The following OAS3 variants were observed in gnomAD, a reference collection of about 807,000 sequenced individuals.
OAS3 encodes the protein 2'-5'-oligoadenylate synthase 3.
A neutral mutation model predicts 113.0 loss-of-function variants in OAS3; 107 were observed. That is an observed-to-expected ratio of 0.95 (90% CI 0.81 to 1.11). OAS3 has a LOEUF of 1.11. Ranked by LOEUF, OAS3 falls within the 50% of genes most tolerant of loss-of-function variation. OAS3 has a pLI of 0.00. For synonymous variants in OAS3, 552 were observed against 573.6 expected (o/e 0.96, Z 0.54); for missense variants, 1,258 against 1,389.1 (o/e 0.91, Z 1.50).
chr12:112,944,214 T>C (rs1210370231), intron 2 of OAS3, among the ~76,000 whole-genome samples: 1 of 152,178 alleles, frequency 6.6e-6, no homozygotes, highest in African/African-American at 2.4e-5. Context: ...CTGCTCCTCT[T>C]TGAGCTGTTG....
intron 11 of OAS3, among the ~76,000 whole-genome samples, chr12:112,964,991 G>T (rs2043921581): frequency 6.6e-6 from 1 of 152,194 alleles, no homozygotes; most frequent in South Asian, 2.1e-4. Flanking sequence ...TAGTCCTCAT[G>T]GGCTGAGTGT....
chr12:112,963,546 T>C lies in OAS3; in HGVS notation c.2229+89T>C. ...ACCTGCCGGTGCACCCATCCCCAGC[T>C]GCTAGGAGTGTTGGTGGCTGACAAC... On this transcript the variant is annotated intron_variant, in intron 10 of 15. Coordinates refer to ENST00000228928, the MANE Select transcript of OAS3 (RefSeq NM_006187.4). This position sits in a 1 kb window ranked among gnomAD's most constrained non-coding sequence, Gnocchi z 4.6. The C allele has an allele frequency of 7.7e-7, 1 of 1,302,272 alleles. No individual in the cohort carries two copies. 80.7% of individuals were successfully genotyped at this position (1,302,272 alleles called of 1,614,324 possible).
At chr12:112,956,359 T>C (rs1447037268) in intron 7 of OAS3, among the ~76,000 whole-genome samples, 1 of 152,254 alleles carries the variant, frequency 6.6e-6, no homozygotes, top group Non-Finnish European at 1.5e-5. Flanking sequence ...TGATCTTAGT[T>C]ATTTCCTGCC....
At position 112,949,143 on chromosome 12, in the gene OAS3, A is replaced by G; in HGVS notation, c.1312A>G (p.Ile438Val). The change falls in exon 6 of 16, where the codon ATT (isoleucine) becomes GTT (valine). Residue 438 changes from isoleucine (I) to valine (V), a missense_variant. Coordinates refer to ENST00000228928, the MANE Select transcript of OAS3 (RefSeq NM_006187.4). Reference sequence around the variant, plus strand: ...GTTCCAGGAGCAGGTGAAAAAGGCCATTGACATCATCTTGCGCTGCCTCCA... The same window carrying G: ...GTTCCAGGAGCAGGTGAAAAAGGCCGTTGACATCATCTTGCGCTGCCTCCA... ...PQFQEQVKKA[I>V]DIILRCLHEN... is the part of the protein sequence containing the mutation. 1 of 1,613,912 alleles carries G rather than the reference A, an allele frequency of 6.2e-7. No individual in the cohort carries two copies. Among genetic ancestry groups the G allele is most frequent in the South Asian group, 1.1e-5 (1 of 91,078 alleles).
chr12:112,964,299 C>A lies in OAS3; in HGVS notation c.2294C>A (p.Pro765His). ...AAGTTCATCAGTGAATTTCTCCAGC[C>A]CAACCGCCAGTTCCTGGCCCAGGTG... is the stretch of plus-strand genomic sequence containing the variant. ...LDKFISEFLQ[P>H]NRQFLAQVNK... The change falls in exon 11 of 16, where the codon CCC becomes CAC. Residue 765 changes from proline to histidine, a missense_variant. Physicochemically the swap from Pro to His is moderately conservative, Grantham distance 77. Coordinates refer to ENST00000228928, the MANE Select transcript of OAS3 (RefSeq NM_006187.4). 1 of 1,607,538 alleles carries A rather than the reference C, an allele frequency of 6.2e-7. No individual in the cohort carries two copies. The highest frequency in any genetic ancestry group is 8.5e-7 in the Non-Finnish European group (1 of 1,176,902).
chr12:112,951,455 T>C (rs2043791845), intron 7 of OAS3, among the ~76,000 whole-genome samples: 1 of 152,212 alleles, frequency 6.6e-6, no homozygotes, highest in Admixed American at 6.5e-5. Flanking sequence ...AAATCTTTTG[T>C]TTGACATGCA....
At position 112,971,989 on chromosome 12, in the gene OAS3, C is replaced by T. The variant is rs10744790; in HGVS notation, c.*2016C>T. ...CCACCTCTTGGATTGGCCCTGGCTGCTGCCACACACATATCCAAGAGCTCA... is the reference window on the plus strand; with the variant it reads ...CCACCTCTTGGATTGGCCCTGGCTGTTGCCACACACATATCCAAGAGCTCA... On this transcript the variant is annotated 3_prime_UTR_variant, in exon 16 of 16. Transcript: ENST00000228928. 27,639 of 152,272 alleles carry T rather than the reference C, an allele frequency of 0.18. 2,871 individuals are homozygous for T. The highest frequency in any genetic ancestry group is 0.34 in the East Asian group (1,761 of 5,176). The allele number at this position is 152,272 out of a possible 1,614,324, so 9.4% of individuals were successfully genotyped here. A position where few individuals can be genotyped will look rare whatever the true frequency, so the allele number is the denominator to read the frequency against.
chr12:112,939,018 G>A (rs988083729), intron 1 of OAS3, among the ~76,000 whole-genome samples: 1 of 152,110 alleles, frequency 6.6e-6, no homozygotes, highest in African/African-American at 2.4e-5. Flanking sequence ...TACTCTCAGA[G>A]GCTGCTTCTT....
Position 112,948,020 on chromosome 12 carries a change from C to T in OAS3, c.950C>T (p.Ala317Val), listed in dbSNP as rs748614168. Residue 317 changes from alanine to valine, a missense_variant, in exon 5 of 16, where the codon GCC becomes GTC. Ala to Val is a moderately conservative substitution (Grantham distance 64). Transcript: ENST00000228928. Reference protein sequence around the residue: ...NGAAWHWDLLAQEAASCYDHP... With the variant: ...NGAAWHWDLLVQEAASCYDHP... ...GCAGCCTGGCACTGGGATTTGCTAGCCCAGGAGGCAGCATCCTGCTATGAC... is the reference window on the plus strand; with the variant it reads ...GCAGCCTGGCACTGGGATTTGCTAGTCCAGGAGGCAGCATCCTGCTATGAC... 6 of 1,601,424 alleles carry T rather than the reference C, an allele frequency of 3.7e-6. No individual in the cohort carries two copies. In the Admixed American group the frequency reaches 1.0e-4, roughly 27 times the overall value.
chr12:112,969,720 C>T lies in OAS3; in HGVS notation c.3217C>T (p.Arg1073Trp), dbSNP rs768175729. Residue 1073 changes from arginine (R) to tryptophan (W), a missense_variant, in exon 15 of 16, where the codon CGG (arginine) becomes TGG (tryptophan). By Grantham distance (101) the Arg-to-Trp change is moderately radical. Transcript: ENST00000228928. ...ACTSALCCMG[R>W]NGIPIQPWPV... ...CACATCTGCCCTGTGCTGCATGGGA[C>T]GGAATGGCATCCCCATCCAGCCATG... is the stretch of plus-strand genomic sequence containing the variant. 3.8e-5 allele frequency: 62 copies of T among 1,613,246 alleles called. No individual in the cohort carries two copies. The highest frequency in any genetic ancestry group is 2.8e-4 in the Admixed American group (17 of 59,972).
rs2043901478 is a variant in OAS3 at position 112,962,930 on chromosome 12, T to A, written c.2084+28T>A. The A allele has an allele frequency of 1.9e-6, 3 of 1,609,794 alleles. No homozygotes were observed. The South Asian group carries it at 3.3e-5, about 18-fold the overall frequency. ...GAAGACCCGCTTCCCTTTGCCTGGC[T>A]TCATTATCCTCCCCCTCCCCACTGT... is the stretch of plus-strand genomic sequence containing the variant. On this transcript the variant is annotated intron_variant, in intron 9 of 15. Transcript: ENST00000228928.
rs1365872414 is a variant in OAS3 at position 112,938,491 on chromosome 12, G to T, written c.-40G>T. 1.3e-6 allele frequency: 2 copies of T among 1,510,138 alleles called. No individual in the cohort carries two copies. Among genetic ancestry groups the T allele is most frequent in the East Asian group, 2.6e-5 (1 of 38,844 alleles). 93.5% of individuals were successfully genotyped at this position (1,510,138 alleles called of 1,614,324 possible). On this transcript the variant is annotated 5_prime_UTR_variant, in exon 1 of 16. Transcript: ENST00000228928. ...ACGAAACCAGAAATCCGAAGGCCGC[G>T]CCAGAGCCCTGCTTCCCCTTGCACC...
At chr12:112,969,577 G>T in intron 14 of OAS3, 31 bp from the exon 15 acceptor site, 1 of 1,580,456 alleles carries the variant, frequency 6.3e-7, no homozygotes, top group Non-Finnish European at 8.6e-7. Flanking sequence ...ATGTTGCCAG[G>T]AATAAGACTG....
In OAS3 at chr12:112,938,696, A is replaced by C. The variant is rs2136340879; in HGVS notation, c.166A>C (p.Lys56Gln). Reference sequence around the variant, plus strand: ...CGGTGCTGCTGCCCCGCGGGTGCTGAAAACTGTCAAGGTGAGGTCCCACCT... The same window carrying C: ...CGGTGCTGCTGCCCCGCGGGTGCTGCAAACTGTCAAGGTGAGGTCCCACCT... Reference protein sequence around the residue: ...RLGAAAPRVLKTVKGGSSGRG... With the variant: ...RLGAAAPRVLQTVKGGSSGRG... The change falls in exon 1 of 16, where the codon AAA becomes CAA. Residue 56 changes from lysine (K) to glutamine (Q), a missense_variant. Transcript: ENST00000228928. The C allele has an allele frequency of 6.4e-7, 1 of 1,563,774 alleles. No homozygotes were observed. Among genetic ancestry groups the C allele is most frequent in the African/African-American group, 1.4e-5 (1 of 73,352 alleles).
chr12:112,956,586 A>G (rs1236368430), intron 7 of OAS3, among the ~76,000 whole-genome samples: 1 of 152,140 alleles, frequency 6.6e-6, no homozygotes, highest in East Asian at 1.9e-4. Flanking sequence ...GCCTTCATTT[A>G]GTTATGTACC....
intron 5 of OAS3, 130 bp downstream of exon 5, chr12:112,948,229 C>T: frequency 2.2e-6 from 2 of 898,240 alleles, no homozygotes; most frequent in Non-Finnish European, 3.1e-6. Context: ...GGTGTGGTGG[C>T]TCACGCCTGT....
At chr12:112,957,102 T>A (rs1482600777) in intron 7 of OAS3, among the ~76,000 whole-genome samples, 2 of 152,232 alleles carry the variant, frequency 1.3e-5, no homozygotes, top group East Asian at 3.8e-4. Context: ...TGGCCTTCTT[T>A]GTCTCTTTTG....
At chr12:112,964,775 G>A (rs2043919715) in intron 11 of OAS3, among the ~76,000 whole-genome samples, 1 of 152,034 alleles carries the variant, frequency 6.6e-6, no homozygotes, top group Non-Finnish European at 1.5e-5. Flanking sequence ...TCTTGGATAG[G>A]CCCTTAACAT....
In OAS3 at chr12:112,968,042, T is replaced by C; in HGVS notation, c.2972T>C (p.Met991Thr). 6.2e-7 allele frequency: 1 copy of C among 1,614,030 alleles called. No homozygotes were observed. The highest frequency in any genetic ancestry group is 8.5e-7 in the Non-Finnish European group (1 of 1,179,888). ...EQGGKDSQFN[M>T]AEGFRTVLEL... is the part of the protein sequence containing the mutation. Reference sequence around the variant, plus strand: ...GGCGGGAAGGACTCCCAGTTCAACATGGCTGAGGGCTTCCGCACGGTCCTG... The same window carrying C: ...GGCGGGAAGGACTCCCAGTTCAACACGGCTGAGGGCTTCCGCACGGTCCTG... The change falls in exon 14 of 16, where the codon ATG becomes ACG. Residue 991 changes from methionine to threonine, a missense_variant. Coordinates refer to ENST00000228928, the MANE Select transcript of OAS3 (RefSeq NM_006187.4).
Sources: allele counts gnomAD v4.1 joint callset (sites outside exome capture counted in the v4.1 genomes callset), GRCh38; gene constraint gnomAD v4.1.1; non-coding constraint Gnocchi (gnomAD v3.1); transcripts MANE v1.5; gene names NCBI Gene and HGNC (gene_info 2026-07-23, HGNC 2026-07-21).